Variants in CREBBP observed in about 807,000 individuals in gnomAD.
CREBBP encodes CREB-binding protein.
Under a neutral mutation model 265.0 loss-of-function variants are expected in CREBBP, and 19 were observed. The observed-to-expected ratio is 0.07, with a 90% confidence interval of 0.05 to 0.11. The LOEUF (loss-of-function observed/expected upper bound fraction) is 0.11, where lower values mean the gene tolerates loss of function less well. Ranked by LOEUF, CREBBP falls within the 10% of genes least tolerant of loss-of-function variation. The pLI, the probability that CREBBP is intolerant of heterozygous loss-of-function variation, is 1.00. For synonymous variants in CREBBP, 1,457 were observed against 1,223.7 expected (o/e 1.19, Z -3.98); for missense variants, 2,525 against 3,219.0 (o/e 0.78, Z 5.22).
rs1462080104 is a variant in CREBBP at position 3,727,994 on chromosome 16, A to G, written c.7053T>C (p.Ser2351=). The stretch of plus-strand genomic sequence containing the variant: ...GTGGAGGCTGGGACTGGGGCCGTGG[A>G]GACTGGACAGGGGCTGGAGACCGCA... ...NQVRSPAPVQ[S]PRPQSQPPHS... The change falls in exon 31 of 31, where the codon TCT becomes TCC. Residue 2351 remains serine, a synonymous_variant. Coordinates refer to ENST00000262367, the MANE Select transcript of CREBBP (RefSeq NM_004380.3). 2 of 1,608,832 alleles carry G rather than the reference A, an allele frequency of 1.2e-6. No homozygotes were observed. Among genetic ancestry groups the G allele is most frequent in the African/African-American group, 2.7e-5 (2 of 74,706 alleles).
chr16:3,879,663 T>G (rs2055481988), intron 1 of CREBBP, among the ~76,000 whole-genome samples, 169 bp downstream of exon 1: 1 of 152,018 alleles, frequency 6.6e-6, no homozygotes, highest in African/African-American at 2.4e-5. Context: ...CCAGTGACAG[T>G]CCTGCGACGA....
In CREBBP at chr16:3,810,616, T is replaced by C. The variant is rs372657355; in HGVS notation, c.962A>G (p.Asn321Ser). 7 of 1,613,232 alleles carry C rather than the reference T, an allele frequency of 4.3e-6. No homozygotes were observed. Among genetic ancestry groups the C allele is most frequent in the African/African-American group, 2.7e-5 (2 of 74,700 alleles). The change falls in exon 3 of 31, where the codon AAC (asparagine) becomes AGC (serine). Residue 321 changes from asparagine to serine, a missense_variant. Transcript: ENST00000262367. ...PTDIKNTSVT[N>S]VPNMSQMQTS... ...AGGGTAACTTACCATATTTGGCACGTTGGTGACTGAAGTATTCTTGATATC... is the reference window on the plus strand; with the variant it reads ...AGGGTAACTTACCATATTTGGCACGCTGGTGACTGAAGTATTCTTGATATC...
chr16:3,743,944 C>T lies in CREBBP; in HGVS notation c.3982+950G>A, dbSNP rs371119163. On this transcript the variant is annotated intron_variant, in intron 23 of 30. Transcript: ENST00000262367. ...TACAAAAATTAGCTGGGCAAGGTGG[C>T]GGGCGCCTGTAGTCCCAGCTACTCG... 1.2e-4 allele frequency among the ~76,000 whole-genome samples: 18 copies of T among 152,184 alleles called. No homozygotes were observed. In the South Asian group the frequency reaches 3.1e-3, roughly 26 times the overall value.
intron 1 of CREBBP, among the ~76,000 whole-genome samples, chr16:3,878,411 C>A (rs2055447462): frequency 6.6e-6 from 1 of 152,222 alleles, no homozygotes; most frequent in African/African-American, 2.4e-5. Flanking sequence ...CCATGAGCAT[C>A]ATTTACTCCT....
intron 5 of CREBBP, among the ~76,000 whole-genome samples, chr16:3,789,001 T>C (rs1214877458): frequency 6.6e-6 from 1 of 152,170 alleles, no homozygotes; most frequent in Non-Finnish European, 1.5e-5. Context: ...AAAAAGGTAA[T>C]CAATGGTCTG....
rs936693997 is a variant in CREBBP at position 3,728,675 on chromosome 16, C to G, written c.6372G>C (p.Gln2124His). Residue 2124 changes from glutamine to histidine, a missense_variant, in exon 31 of 31, where the codon CAG becomes CAC. Gln to His is a conservative substitution (Grantham distance 24, BLOSUM62 0). This residue lies in a region of CREBBP where 473 missense variants were observed against 459.3 expected (regional missense o/e 1.03). Transcript: ENST00000262367. This position sits in a 1 kb window ranked among gnomAD's most constrained non-coding sequence, Gnocchi z 8.7. Reference sequence around the variant, plus strand: ...TGCCAGGCTGGGGTTGCATGCCGGGCTGGGACTGGAGGCCAGGCTGGGGCT... The same window carrying G: ...TGCCAGGCTGGGGTTGCATGCCGGGGTGGGACTGGAGGCCAGGCTGGGGCT... ...GMQPQPGLQSQPGMQPQPGMH... is the reference protein window; with the variant it reads ...GMQPQPGLQSHPGMQPQPGMH... 1 of 1,613,776 alleles carries G rather than the reference C, an allele frequency of 6.2e-7. No homozygotes were observed. The highest frequency in any genetic ancestry group is 8.5e-7 in the Non-Finnish European group (1 of 1,179,912).
intron 2 of CREBBP, among the ~76,000 whole-genome samples, chr16:3,819,224 T>C (rs1252654539): frequency 1.3e-5 from 2 of 152,268 alleles, no homozygotes; most frequent in Non-Finnish European, 2.9e-5. Context: ...TCTGGGGATA[T>C]CTGAATGGCG....
Position 3,774,640 on chromosome 16 carries a change from G to A in CREBBP, c.2212C>T (p.Pro738Ser), listed in dbSNP as rs2053093118. 6.2e-7 allele frequency: 1 copy of A among 1,614,078 alleles called. No homozygotes were observed. The highest frequency in any genetic ancestry group is 8.5e-7 in the Non-Finnish European group (1 of 1,180,056). Residue 738 changes from proline (P) to serine (S), a missense_variant, in exon 12 of 31, where the codon CCC becomes TCC. By Grantham distance (74) the Pro-to-Ser change is moderately conservative (BLOSUM62 -1). Coordinates refer to ENST00000262367, the MANE Select transcript of CREBBP (RefSeq NM_004380.3). ...SLGNVQLPQA[P>S]MGPRAASPMN... is the part of the protein sequence containing the mutation. Reference sequence around the variant, plus strand: ...GGGGAGGCTGCACGAGGTCCCATGGGTGCTTGTGGCAACTGGACGTTCCCC... The same window carrying A: ...GGGGAGGCTGCACGAGGTCCCATGGATGCTTGTGGCAACTGGACGTTCCCC...
At chr16:3,838,727 A>G (rs1396081871) in intron 2 of CREBBP, among the ~76,000 whole-genome samples, 1 of 152,288 alleles carries the variant, frequency 6.6e-6, no homozygotes, top group Non-Finnish European at 1.5e-5. Flanking sequence ...CAACTTTTTA[A>G]AAGTTGATAT....
intron 3 of CREBBP, among the ~76,000 whole-genome samples, chr16:3,796,693 G>A (rs1296602628): frequency 2.6e-5 from 4 of 152,132 alleles, no homozygotes; most frequent in African/African-American, 9.7e-5. Context: ...AGCCTGGCAT[G>A]TATTTTTAAT....
intron 2 of CREBBP, among the ~76,000 whole-genome samples, chr16:3,828,862 T>C (rs959370971): frequency 6.6e-6 from 1 of 152,168 alleles, no homozygotes; most frequent in African/African-American, 2.4e-5. Flanking sequence ...CCTCACAGGA[T>C]TATTAAAAAT....
chr16:3,867,246 C>A (rs1458874811), intron 1 of CREBBP, among the ~76,000 whole-genome samples: 3 of 152,112 alleles, frequency 2.0e-5, no homozygotes, highest in Non-Finnish European at 4.4e-5. Context: ...AGTAGCAAAA[C>A]CTCTAATATT....
At chr16:3,805,013 T>C (rs542456043) in intron 3 of CREBBP, among the ~76,000 whole-genome samples, 4 of 152,366 alleles carry the variant, frequency 2.6e-5, no homozygotes, top group African/African-American at 9.6e-5. Context: ...TCTCAATTTA[T>C]AGTTTCTTCT....
At chr16:3,783,343 C>T (rs1464054566) in intron 5 of CREBBP, among the ~76,000 whole-genome samples, 3 of 152,186 alleles carry the variant, frequency 2.0e-5, no homozygotes, top group Non-Finnish European at 4.4e-5. Context: ...CCTGTTGACC[C>T]CAACCCTGTC....
chr16:3,819,705 C>T (rs890857074), intron 2 of CREBBP, among the ~76,000 whole-genome samples: 4 of 152,160 alleles, frequency 2.6e-5, no homozygotes, highest in Non-Finnish European at 4.4e-5. Context: ...AGTTTTCATT[C>T]TACATTGTTT....
intron 2 of CREBBP, among the ~76,000 whole-genome samples, chr16:3,843,485 A>C (rs2054604962): frequency 6.8e-6 from 1 of 146,962 alleles, no homozygotes; most frequent in Non-Finnish European, 1.5e-5. Context: ...TAGTGGTGTG[A>C]TCATGGCTCA....
chr16:3,741,786 C>CA (rs2052216890), intron 23 of CREBBP: 1 of 145,246 alleles, frequency 6.9e-6, no homozygotes. Context: ...ACTAAGAATG[C>CA]AAAATTAAGT....
At chr16:3,873,707 C>G (rs548900544) in intron 1 of CREBBP, among the ~76,000 whole-genome samples, 107 of 152,246 alleles carry the variant, frequency 7.0e-4, no homozygotes, top group African/African-American at 2.6e-3. Context: ...GCTCAGAGAG[C>G]TGATGTAACT....
At chr16:3,786,191 C>T (rs1198639895) in intron 5 of CREBBP, among the ~76,000 whole-genome samples, 2 of 152,130 alleles carry the variant, frequency 1.3e-5, no homozygotes, top group African/African-American at 2.4e-5. Flanking sequence ...CATGGTGAAA[C>T]CCCATCTCTA....
Sources: allele counts gnomAD v4.1 joint callset (sites outside exome capture counted in the v4.1 genomes callset), GRCh38; gene constraint gnomAD v4.1.1; regional missense constraint gnomAD v4.1.1; non-coding constraint Gnocchi (gnomAD v3.1); transcripts MANE v1.5; gene names NCBI Gene and HGNC (gene_info 2026-07-23, HGNC 2026-07-21).